The following HEPH variants were observed in gnomAD, a reference collection of about 807,000 sequenced individuals.
The protein encoded by HEPH is hephaestin.
In HEPH, 69 loss-of-function variants were observed where a neutral mutation model predicts 80.8. That is an observed-to-expected ratio of 0.85 (90% CI 0.70 to 1.04). HEPH has a LOEUF of 1.04. Among genes scored for constraint, HEPH ranks in the 50% least tolerant of loss-of-function variants. The probability of loss-of-function intolerance (pLI) is 0.00; values close to 1 mark genes in which losing one functional copy is unlikely to be tolerated. For missense variants in HEPH, 1,115 were observed against 891.3 expected (o/e 1.25, Z -3.20); for synonymous variants, 431 against 322.8 (o/e 1.34, Z -3.60).
chrX:66,209,847 T>A (rs2089015988), intron 15 of HEPH, among the ~76,000 whole-genome samples: 1 of 111,292 alleles, frequency 9.0e-6, no homozygotes. Context: ...TGGATGATGA[T>A]GAGTTCCCTT....
intron 1 of HEPH, among the ~76,000 whole-genome samples, chrX:66,168,734 C>G (rs1165626677): frequency 9.0e-6 from 1 of 111,576 alleles, no homozygotes; most frequent in African/African-American, 3.3e-5. Flanking sequence ...TTAACAATGC[C>G]TATTTCATAT....
intron 4 of HEPH, among the ~76,000 whole-genome samples, chrX:66,180,041 T>C (rs924795184): frequency 3.6e-5 from 4 of 111,879 alleles, no homozygotes; most frequent in Non-Finnish European, 7.5e-5. Flanking sequence ...TGCATTTTTG[T>C]ATTTTTTAAG....
At chrX:66,208,284 C>T (rs751925921) in intron 15 of HEPH, 38 bp downstream of exon 15, 4 of 1,165,946 alleles carry the variant, frequency 3.4e-6, no homozygotes, top group South Asian at 3.9e-5. Context: ...AAAGGACATG[C>T]ATCACGTCTG....
intron 18 of HEPH, 89 bp downstream of exon 18, chrX:66,259,068 G>A: frequency 1.1e-6 from 1 of 910,170 alleles, no homozygotes; most frequent in Non-Finnish European, 1.4e-6. Context: ...TGTGGAACAG[G>A]TAACAATTAG....
chrX:66,188,263 C>T, intron 4 of HEPH, 96 bp from the exon 5 acceptor site: 1 of 601,602 alleles, frequency 1.7e-6, no homozygotes, highest in South Asian at 3.4e-5. Context: ...ATTCTTAAGA[C>T]CCCTCTCTTT....
In HEPH at chrX:66,236,047, C is replaced by T. The variant is rs182271419; in HGVS notation, c.2564-18988C>T. ...TTTTCTAGATATAGGATCATGTTGC[C>T]TGCACACAGGGATAGTTTGACTTCC... On this transcript the variant is annotated intron_variant, in intron 15 of 20. Coordinates refer to ENST00000343002, the MANE Select transcript of HEPH (RefSeq NM_001367233.3). 1.3e-4 allele frequency among the ~76,000 whole-genome samples: 14 copies of T among 111,963 alleles called. 1 individual carries two copies. Among genetic ancestry groups the T allele is most frequent in the Admixed American group, 2.8e-4 (3 of 10,569 alleles).
chrX:66,205,755 C>A (rs749870202), intron 13 of HEPH, among the ~76,000 whole-genome samples: 1 of 110,222 alleles, frequency 9.1e-6, no homozygotes, highest in Non-Finnish European at 1.9e-5. Flanking sequence ...GCTGCCACAC[C>A]CATATATTGC....
intron 13 of HEPH, among the ~76,000 whole-genome samples, chrX:66,204,469 T>A (rs1166148537): frequency 2.7e-5 from 3 of 112,240 alleles, no homozygotes; most frequent in African/African-American, 9.7e-5. Flanking sequence ...CATCTAAAAA[T>A]TTTACTTTAT....
chrX:66,175,978 C>A lies in HEPH; in HGVS notation c.625+2177C>A, dbSNP rs974890176. Among the ~76,000 whole-genome samples, 5 of 111,604 alleles carry A rather than the reference C, an allele frequency of 4.5e-5. No homozygotes were observed. In the South Asian group the frequency reaches 1.1e-3, roughly 25 times the overall value. ...TCAGCAAACAGTGACAGTTTGACTT[C>A]CTCTTTACATATTTAGAGGCCCTTT... On this transcript the variant is annotated intron_variant, in intron 4 of 20. Coordinates refer to ENST00000343002, the MANE Select transcript of HEPH (RefSeq NM_001367233.3).
intron 12 of HEPH, among the ~76,000 whole-genome samples, chrX:66,202,840 T>C (rs1448869262): frequency 2.8e-5 from 3 of 105,992 alleles, no homozygotes; most frequent in Non-Finnish European, 3.9e-5. Flanking sequence ...TAAAGTAAAA[T>C]AATCCTCATT....
intron 20 of HEPH, among the ~76,000 whole-genome samples, chrX:66,264,580 A>G (rs986698800): frequency 1.2e-3 from 127 of 108,869 alleles, no homozygotes; most frequent in Non-Finnish European, 2.1e-3. Flanking sequence ...AGATCCAGAA[A>G]GGTATGAGAG....
chrX:66,248,900 G>A (rs758572141), intron 15 of HEPH, among the ~76,000 whole-genome samples: 17 of 111,529 alleles, frequency 1.5e-4, no homozygotes, highest in Non-Finnish European at 2.8e-4. Flanking sequence ...AGAAGTTTGC[G>A]GATTTTACAA....
intron 15 of HEPH, among the ~76,000 whole-genome samples, chrX:66,209,378 T>C (rs1319426833): frequency 8.9e-6 from 1 of 112,251 alleles, no homozygotes; most frequent in Non-Finnish European, 1.9e-5. Flanking sequence ...TGAAAGTCTC[T>C]GATTCAGTAG....
At position 66,164,401 on chromosome X, in the gene HEPH, C is replaced by T; in HGVS notation, c.-83C>T. The T allele has an allele frequency of 1.3e-6, 1 of 753,333 alleles. No individual in the cohort carries two copies. Among genetic ancestry groups the T allele is most frequent in the Non-Finnish European group, 1.6e-6 (1 of 638,428 alleles). 62.1% of individuals were successfully genotyped at this position (753,333 alleles called of 1,213,427 possible). On this transcript the variant is annotated 5_prime_UTR_variant, in exon 1 of 21. Transcript: ENST00000343002. ...ACTGACTGAACATGGCTGGCGGACT[C>T]AGGCTGGGGTCTGCAGTGCAGCATT...
At chrX:66,235,245 T>C in intron 15 of HEPH, among the ~76,000 whole-genome samples, 1 of 112,144 alleles carries the variant, frequency 8.9e-6, no homozygotes. Flanking sequence ...AATTACTTCC[T>C]GTGTCTTCGT....
chrX:66,248,710 G>A (rs1314236456), intron 15 of HEPH, among the ~76,000 whole-genome samples: 2 of 111,982 alleles, frequency 1.8e-5, no homozygotes, highest in African/African-American at 6.5e-5. Context: ...AAAAGCTATG[G>A]CCACAATGTA....
At chrX:66,266,288 A>G (rs1329591222) in intron 20 of HEPH, 152 bp from the exon 21 acceptor site, 3 of 455,258 alleles carry the variant, frequency 6.6e-6, no homozygotes, top group Non-Finnish European at 1.1e-5. Context: ...CTAACCTCTA[A>G]ATCTGTCTTC....
rs187507004 is a variant in HEPH at position 66,197,680 on chromosome X, C to T, written c.1502-3C>T. ...AGTAATGAGTCCCATATTTTCACTA[C>T]AGGCTCATCTTACCCTGGCTTGGTT... On this transcript the variant is annotated splice_polypyrimidine_tract_variant and splice_region_variant and intron_variant, in intron 9 of 20. Transcript: ENST00000343002. 502 of 1,202,241 alleles carry T rather than the reference C, an allele frequency of 4.2e-4. No homozygotes were observed. The African/African-American group carries it at 8.5e-3, about 20-fold the overall frequency.
intron 15 of HEPH, among the ~76,000 whole-genome samples, chrX:66,216,069 A>C (rs1443983557): frequency 2.7e-5 from 3 of 111,685 alleles, no homozygotes; most frequent in African/African-American, 9.8e-5. Flanking sequence ...GCCCTGCCCA[A>C]GGAGAGTCTG....
Sources: gnomAD v4.1 joint callset for allele counts (sites outside exome capture counted in the v4.1 genomes callset) on GRCh38, gnomAD v4.1.1 for gene constraint, MANE v1.5 for transcripts, NCBI Gene and HGNC (gene_info 2026-07-23, HGNC 2026-07-21) for gene names.